The following OLFM2 variants were observed in gnomAD, a reference collection of about 807,000 sequenced individuals.
OLFM2 encodes noelin-2.
OLFM2 carries 20 observed loss-of-function variants against 43.9 expected under a neutral mutation model. The ratio of observed to expected loss-of-function variants is 0.46; its 90% CI spans 0.32 to 0.66. The LOEUF (loss-of-function observed/expected upper bound fraction) is 0.66, where lower values mean the gene tolerates loss of function less well. Ranked by LOEUF, OLFM2 falls within the 30% of genes least tolerant of loss-of-function variation. The probability of loss-of-function intolerance (pLI) is 0.04; values close to 1 mark genes in which losing one functional copy is unlikely to be tolerated. For synonymous variants in OLFM2, 268 were observed against 278.6 expected (o/e 0.96, Z 0.38); for missense variants, 416 against 643.6 (o/e 0.65, Z 3.83).
At chr19:9,908,775 C>T (rs984446873) in intron 1 of OLFM2, among the ~76,000 whole-genome samples, 1 of 152,086 alleles carries the variant, frequency 6.6e-6, no homozygotes, top group African/African-American at 2.4e-5. Context: ...CCGGGTTTCA[C>T]CATGTTGGCC....
At chr19:9,867,823 A>C (rs2046414132) in intron 1 of OLFM2, among the ~76,000 whole-genome samples, 1 of 152,196 alleles carries the variant, frequency 6.6e-6, no homozygotes, top group Non-Finnish European at 1.5e-5. Flanking sequence ...TGATTGTTGC[A>C]AGGGAGGTTC....
At chr19:9,930,089 C>T (rs1274639870) in intron 1 of OLFM2, among the ~76,000 whole-genome samples, 3 of 151,984 alleles carry the variant, frequency 2.0e-5, no homozygotes, top group Non-Finnish European at 4.4e-5. Context: ...ATATGGTTGG[C>T]CTACATGGAT....
intron 1 of OLFM2, among the ~76,000 whole-genome samples, chr19:9,926,704 G>C (rs189065046): frequency 6.6e-6 from 1 of 152,172 alleles, no homozygotes; most frequent in East Asian, 1.9e-4. Flanking sequence ...TCTAGGCCAA[G>C]TGCAGTGGCT....
At chr19:9,898,378 T>C (rs1271356382) in intron 1 of OLFM2, among the ~76,000 whole-genome samples, 1 of 151,676 alleles carries the variant, frequency 6.6e-6, no homozygotes, top group Non-Finnish European at 1.5e-5. Context: ...AAATATTAGC[T>C]GGGTGTGGTG....
intron 1 of OLFM2, among the ~76,000 whole-genome samples, chr19:9,896,563 C>T (rs1249303900): frequency 6.6e-6 from 1 of 152,180 alleles, no homozygotes; most frequent in African/African-American, 2.4e-5. Context: ...CCTCACCTGG[C>T]CTTGCAAGGC....
chr19:9,931,305 A>G (rs1246432967), intron 1 of OLFM2, among the ~76,000 whole-genome samples: 1 of 152,150 alleles, frequency 6.6e-6, no homozygotes, highest in Non-Finnish European at 1.5e-5. Flanking sequence ...GCTGGAGTGC[A>G]GTAGTGCAAT....
intron 1 of OLFM2, among the ~76,000 whole-genome samples, chr19:9,866,986 T>G (rs556702854): frequency 2.4e-4 from 37 of 152,302 alleles, no homozygotes; most frequent in Non-Finnish European, 1.5e-5. Context: ...CAGGATTAAC[T>G]GAGTAGGACA....
At chr19:9,918,483 C>T (rs992128735) in intron 1 of OLFM2, among the ~76,000 whole-genome samples, 5 of 152,150 alleles carry the variant, frequency 3.3e-5, no homozygotes, top group South Asian at 2.1e-4. Flanking sequence ...TAAGCCACCA[C>T]GCCAGACCCT....
In OLFM2 at chr19:9,915,242, T is replaced by G. The variant is rs867125278; in HGVS notation, c.63+21062A>C. The stretch of plus-strand genomic sequence containing the variant: ...ATATTCTTTTTCTTTTCTCTCTCTT[T>G]TTTTTTTTTTTTTGGTAGAGATGGG... On this transcript the variant is annotated intron_variant, in intron 1 of 5. Transcript: ENST00000264833. Among the ~76,000 whole-genome samples the G allele has an allele frequency of 5.4e-3, 283 of 52,214 alleles. 1 individual carries two copies. The highest frequency in any genetic ancestry group is 0.014 in the African/African-American group (269 of 18,944). The allele number at this position is 52,214 out of a possible 152,430, so 34.3% of individuals were successfully genotyped here.
intron 1 of OLFM2, among the ~76,000 whole-genome samples, chr19:9,874,072 C>T (rs1039463370): frequency 6.6e-6 from 1 of 152,080 alleles, no homozygotes; most frequent in Non-Finnish European, 1.5e-5. Flanking sequence ...AACCATGATA[C>T]ACTTGTCACA....
chr19:9,883,521 A>T (rs2046558717), intron 1 of OLFM2, among the ~76,000 whole-genome samples: 1 of 152,094 alleles, frequency 6.6e-6, no homozygotes, highest in Non-Finnish European at 1.5e-5. Context: ...AGCTGCTCCC[A>T]GTCAAAGCTG....
At chr19:9,891,315 A>G (rs950487949) in intron 1 of OLFM2, among the ~76,000 whole-genome samples, 13 of 13,846 alleles carry the variant, frequency 9.4e-4, no homozygotes, top group Admixed American at 5.3e-3. Context: ...TCCATCTCGG[A>G]AAAAAAAAAA....
At chr19:9,885,883 G>A (rs1285559973) in intron 1 of OLFM2, among the ~76,000 whole-genome samples, 3 of 152,046 alleles carry the variant, frequency 2.0e-5, no homozygotes, top group Non-Finnish European at 4.4e-5. Flanking sequence ...GGATCATTGA[G>A]CCCAGGAGTT....
At chr19:9,913,716 G>C (rs1244827840) in intron 1 of OLFM2, 7 of 1,063,482 alleles carry the variant, frequency 6.6e-6, no homozygotes, top group African/African-American at 3.4e-5. Context: ...CCCCGGGGGG[G>C]CGTGGGGGAG....
chr19:9,912,350 ATTC>A (rs1403088376), intron 1 of OLFM2, among the ~76,000 whole-genome samples: 2 of 152,072 alleles, frequency 1.3e-5, no homozygotes, highest in Admixed American at 6.6e-5. Flanking sequence ...TAGGGAGCAA[ATTC>A]TTCTTTGCTC....
At position 9,856,378 on chromosome 19, in the gene OLFM2, A is replaced by G. The variant is rs976059370; in HGVS notation, c.687+429T>C. ...CTCCCAAAGTGCTGGGATTACAGGCATGAGCCACCATGCCCAGCCTCATGG... is the reference window on the plus strand; with the variant it reads ...CTCCCAAAGTGCTGGGATTACAGGCGTGAGCCACCATGCCCAGCCTCATGG... On this transcript the variant is annotated intron_variant, in intron 5 of 5. Transcript: ENST00000264833. The surrounding 1 kb of genome is among the most constrained non-coding windows in gnomAD (Gnocchi z 4.0). Among the ~76,000 whole-genome samples the G allele has an allele frequency of 2.0e-5, 3 of 152,206 alleles. No homozygotes were observed. The highest frequency in any genetic ancestry group is 7.2e-5 in the African/African-American group (3 of 41,450).
chr19:9,886,016 G>C (rs2046583516), intron 1 of OLFM2, among the ~76,000 whole-genome samples: 1 of 151,590 alleles, frequency 6.6e-6, no homozygotes, highest in Admixed American at 6.6e-5. Flanking sequence ...AGGATTGCTA[G>C]AGCCCAGAAG....
chr19:9,936,167 GC>G, intron 1 of OLFM2, 136 bp downstream of exon 1: 1 of 777,578 alleles, frequency 1.3e-6, no homozygotes, highest in Non-Finnish European at 1.8e-6. Context: ...CCCCTCCCCC[GC>G]TGCGACCCCC....
chr19:9,911,638 A>T (rs1365699696), intron 1 of OLFM2, among the ~76,000 whole-genome samples: 1 of 152,180 alleles, frequency 6.6e-6, no homozygotes, highest in Non-Finnish European at 1.5e-5. Context: ...ATGCACACAA[A>T]GATACTTGCA....
Sources: gnomAD v4.1 joint callset for allele counts (sites outside exome capture counted in the v4.1 genomes callset) on GRCh38, gnomAD v4.1.1 for gene constraint, Gnocchi (gnomAD v3.1) non-coding constraint, MANE v1.5 for transcripts, NCBI Gene and HGNC (gene_info 2026-07-23, HGNC 2026-07-21) for gene names.